GTF2H1: variants seen among roughly 807,000 people sequenced by gnomAD.
GTF2H1 encodes general transcription factor IIH subunit 1.
GTF2H1 carries 16 observed loss-of-function variants against 71.2 expected under a neutral mutation model. The observed-to-expected ratio is 0.22, with a 90% CI of 0.15 to 0.34. The LOEUF is 0.34. Ranked by LOEUF, GTF2H1 falls within the 10% of genes least tolerant of loss-of-function variation. The pLI is 1.00. For missense variants in GTF2H1, 498 were observed against 648.2 expected (o/e 0.77, Z 2.52); for synonymous variants, 215 against 219.0 (o/e 0.98, Z 0.16).
chr11:18,343,683 C>T lies in GTF2H1; in HGVS notation c.837+2076C>T, dbSNP rs115434060. 7.4e-3 allele frequency among the ~76,000 whole-genome samples: 1,133 copies of T among 152,332 alleles called. 32 individuals carry two copies. The South Asian group carries it at 0.083, about 11-fold the overall frequency. On this transcript the variant is annotated intron_variant, in intron 7 of 14. Coordinates refer to ENST00000265963, the MANE Select transcript of GTF2H1 (RefSeq NM_005316.4). ...TCTAGCTGCCTACTTGACATCTCCT[C>T]TCAGGTATTTCAAAGACATCTCAAC... is the stretch of plus-strand genomic sequence containing the variant.
intron 2 of GTF2H1, among the ~76,000 whole-genome samples, chr11:18,334,013 G>A (rs1050298172): frequency 2.0e-5 from 3 of 152,158 alleles, no homozygotes; most frequent in South Asian, 2.1e-4. Context: ...AGGCCAAGGC[G>A]AGTGGATCAC....
chr11:18,348,436 G>A (rs543383148), intron 9 of GTF2H1: 8 of 158,672 alleles, frequency 5.0e-5, no homozygotes, highest in East Asian at 1.8e-4. Context: ...ACTTTGCCAC[G>A]CTATTTTGTA....
At chr11:18,338,757 A>G (rs530376760) in intron 4 of GTF2H1, among the ~76,000 whole-genome samples, 11 of 152,166 alleles carry the variant, frequency 7.2e-5, no homozygotes, top group African/African-American at 2.6e-4. Context: ...CCCTCTTCCA[A>G]AATGTTTTTA....
chr11:18,326,521 C>CAA (rs11384798), intron 1 of GTF2H1, among the ~76,000 whole-genome samples: 368 of 147,780 alleles, frequency 2.5e-3, no homozygotes, highest in African/African-American at 5.4e-3. Flanking sequence ...GACTCCTTCT[C>CAA]AAAAAAAAAA....
rs755416297 is a variant in GTF2H1 at position 18,333,201 on chromosome 11, A to G, written c.127A>G (p.Ile43Val). ...WAPEGKDRFT[I>V]SHMYADIKCQ... is the part of the protein sequence containing the mutation. ...ACCTGAAGGCAAAGATAGATTTACA[A>G]TCAGCCATATGTATGCAGATATTAA... The change falls in exon 2 of 15, where the codon ATC (isoleucine) becomes GTC (valine). Residue 43 changes from isoleucine to valine, a missense_variant. By Grantham distance (29) the Ile-to-Val change is conservative. Transcript: ENST00000265963. 3.1e-6 allele frequency: 5 copies of G among 1,613,486 alleles called. No individual in the cohort carries two copies. The highest frequency in any genetic ancestry group is 4.2e-6 in the Non-Finnish European group (5 of 1,179,566).
chr11:18,358,293 C>T (rs975694895), intron 12 of GTF2H1, among the ~76,000 whole-genome samples: 2 of 152,102 alleles, frequency 1.3e-5, no homozygotes, highest in African/African-American at 4.8e-5. Context: ...CCTTTCTTCT[C>T]CCCTACCTCT....
At chr11:18,344,142 T>C (rs932497926) in intron 7 of GTF2H1, among the ~76,000 whole-genome samples, 12 of 152,130 alleles carry the variant, frequency 7.9e-5, no homozygotes, top group East Asian at 1.9e-4. Flanking sequence ...CCTCCTGTTA[T>C]GTCCAGCATT....
At chr11:18,333,305 C>A in intron 2 of GTF2H1, 77 bp downstream of exon 2, 2 of 1,051,634 alleles carry the variant, frequency 1.9e-6, no homozygotes, top group Non-Finnish European at 2.7e-6. Context: ...TTATATAAAT[C>A]TTTATTTTAT....
chr11:18,346,733 C>CTTTTTTTTTTTTTTTTTTTTTTTTTTT lies in GTF2H1; in HGVS notation c.838-833_838-832insTTTTTTTTTTTTTTTTTTTTTTTTTTT, dbSNP rs35494754. 4.1e-4 allele frequency among the ~76,000 whole-genome samples: 35 copies of CTTTTTTTTTTTTTTTTTTTTTTTTTTT among 85,210 alleles called. 1 individual carries two copies. The highest frequency in any genetic ancestry group is 1.2e-3 in the East Asian group (3 of 2,432). The allele number at this position is 85,210 out of a possible 152,430, so 55.9% of individuals were successfully genotyped here. A position where few individuals can be genotyped will look rare whatever the true frequency, so the allele number is the denominator to read the frequency against. On this transcript the variant is annotated intron_variant, in intron 7 of 14. Coordinates refer to ENST00000265963, the MANE Select transcript of GTF2H1 (RefSeq NM_005316.4). ...CACTATATTCTATTCTTTTTATTTA[C>CTTTTTTTTTTTTTTTTTTTTTTTTTTT]TTTTTTTTTTTTTTTTTTTTTTGAG...
intron 1 of GTF2H1, among the ~76,000 whole-genome samples, chr11:18,328,473 A>G (rs1319192913): frequency 1.3e-5 from 2 of 149,998 alleles, no homozygotes; most frequent in Non-Finnish European, 3.0e-5. Flanking sequence ...AGATCACGCC[A>G]CTGCACTCCA....
intron 1 of GTF2H1, among the ~76,000 whole-genome samples, chr11:18,330,326 A>AC (rs1413386924): frequency 6.6e-6 from 1 of 152,188 alleles, no homozygotes; most frequent in African/African-American, 2.4e-5. Context: ...ATTCACCAAG[A>AC]CAGTTGTAGG....
intron 1 of GTF2H1, 186 bp from the exon 2 acceptor site, chr11:18,332,874 T>G (rs748593139): frequency 2.9e-5 from 13 of 455,304 alleles, no homozygotes; most frequent in Non-Finnish European, 4.7e-5. Context: ...AAATGAAATT[T>G]AATTGTAGAG....
intron 1 of GTF2H1, among the ~76,000 whole-genome samples, chr11:18,331,520 G>A (rs547466523): frequency 3.6e-4 from 55 of 152,078 alleles, no homozygotes; most frequent in Non-Finnish European, 6.5e-4. Context: ...TACAAAAATA[G>A]CCAGGCGTGG....
In GTF2H1 at chr11:18,335,872, A is replaced by G. The variant is rs151273343; in HGVS notation, c.273A>G (p.Ala91=). 1.8e-3 allele frequency: 2,949 copies of G among 1,614,138 alleles called. 61 individuals carry two copies. In the Admixed American group the frequency reaches 0.032, roughly 18 times the overall value. ...NESTAVKERD[A]VKDLLQQLLP... ...GCACAGCAGTGAAAGAGCGAGATGC[A>G]GTAAAAGACCTTCTTCAGCAGCTGC... The change falls in exon 3 of 15, where the codon GCA becomes GCG. Residue 91 remains alanine, a synonymous_variant. Coordinates refer to ENST00000265963, the MANE Select transcript of GTF2H1 (RefSeq NM_005316.4).
In GTF2H1 at chr11:18,358,647, A is replaced by C. The variant is rs1402187890; in HGVS notation, c.1467+7A>C. 6.5e-7 allele frequency: 1 copy of C among 1,533,314 alleles called. No homozygotes were observed. The highest frequency in any genetic ancestry group is 9.0e-7 in the Non-Finnish European group (1 of 1,107,024). 95.0% of individuals were successfully genotyped at this position (1,533,314 alleles called of 1,614,324 possible). A position where few individuals can be genotyped will look rare whatever the true frequency, so the allele number is the denominator to read the frequency against. On this transcript the variant is annotated splice_region_variant and intron_variant, in intron 13 of 14. Transcript: ENST00000265963. ...GCCATTCCTAGAAGAAAAGGTTAGA[A>C]CCAGTTCTGAAGACAGCCAGATAAT...
intron 1 of GTF2H1, among the ~76,000 whole-genome samples, chr11:18,328,512 C>CAA (rs34390516): frequency 1.1e-4 from 10 of 94,222 alleles, no homozygotes; most frequent in African/African-American, 2.8e-4. Context: ...GACTCCATCT[C>CAA]AAAAAAAAAA....
At position 18,351,897 on chromosome 11, in the gene GTF2H1, C is replaced by G. The variant is rs1865435256; in HGVS notation, c.1070C>G (p.Ser357Cys). Residue 357 changes from serine to cysteine, a missense_variant, in exon 10 of 15, where the codon TCC becomes TGC. By Grantham distance (112) the Ser-to-Cys change is moderately radical (BLOSUM62 -1). Coordinates refer to ENST00000265963, the MANE Select transcript of GTF2H1 (RefSeq NM_005316.4). Reference protein sequence around the residue: ...PAVKRAKLQESIEYEDLGKNN... With the variant: ...PAVKRAKLQECIEYEDLGKNN... ...TAATTATAGGCGAAATTACAAGAGTCCATTGAATATGAAGACTTGGGGAAA... is the reference window on the plus strand; with the variant it reads ...TAATTATAGGCGAAATTACAAGAGTGCATTGAATATGAAGACTTGGGGAAA... The G allele has an allele frequency of 1.9e-6, 3 of 1,551,714 alleles. No homozygotes were observed. Among genetic ancestry groups the G allele is most frequent in the Non-Finnish European group, 2.7e-6 (3 of 1,123,922 alleles).
chr11:18,337,936 G>A (rs924212043), intron 3 of GTF2H1, among the ~76,000 whole-genome samples, 173 bp from the exon 4 acceptor site: 12 of 152,014 alleles, frequency 7.9e-5, no homozygotes, highest in African/African-American at 2.7e-4. Context: ...AAAAATGTGG[G>A]GTATTTTGCT....
chr11:18,347,707 C>G lies in GTF2H1; in HGVS notation c.957C>G (p.Leu319=), dbSNP rs147692233. The part of the protein sequence containing the change: ...HHSAMVLAAG[L]RKQEAQNEQT... ...GTGCCATGGTCCTGGCAGCTGGACT[C>G]AGAAAACAGTTAAGTATAAATGCAG... is the stretch of plus-strand genomic sequence containing the variant. Residue 319 remains leucine, a synonymous_variant, in exon 8 of 15, where the codon CTC becomes CTG. Transcript: ENST00000265963. The G allele has an allele frequency of 7.3e-5, 118 of 1,613,532 alleles. No homozygotes were observed. The highest frequency in any genetic ancestry group is 9.3e-5 in the Non-Finnish European group (110 of 1,179,764).
Sources: gnomAD v4.1 joint callset for allele counts (sites outside exome capture counted in the v4.1 genomes callset) on GRCh38, gnomAD v4.1.1 for gene constraint, MANE v1.5 for transcripts, NCBI Gene and HGNC (gene_info 2026-07-23, HGNC 2026-07-21) for gene names.